CHRM3: variants seen among roughly 807,000 people sequenced by gnomAD.
The protein encoded by CHRM3 is muscarinic acetylcholine receptor M3.
Under a neutral mutation model 41.8 loss-of-function variants are expected in CHRM3, and 11 were observed. The ratio of observed to expected loss-of-function variants is 0.26; its 90% confidence interval spans 0.17 to 0.44. The LOEUF is 0.44. Among genes scored for constraint, CHRM3 ranks in the 20% least tolerant of loss-of-function variants. CHRM3 has a pLI of 1.00. For synonymous variants in CHRM3, 297 were observed against 301.4 expected (o/e 0.99, Z 0.15); for missense variants, 571 against 745.4 (o/e 0.77, Z 2.72).
At chr1:239,893,527 T>G (rs1678721016) in intron 6 of CHRM3, among the ~76,000 whole-genome samples, 1 of 152,164 alleles carries the variant, frequency 6.6e-6, no homozygotes. Context: ...ATCCATTTCT[T>G]CACCCTTAAA....
In CHRM3 at chr1:239,908,081, T is replaced by C. The variant is rs904200995; in HGVS notation, c.630T>C (p.Phe210=). The C allele has an allele frequency of 1.2e-6, 2 of 1,614,196 alleles. No homozygotes were observed. The highest frequency in any genetic ancestry group is 1.7e-6 in the Non-Finnish European group (2 of 1,180,040). The part of the protein sequence containing the change: ...WAPAILFWQY[F]VGKRTVPPGE... ...CTGCCATCTTGTTCTGGCAATACTTTGTTGGAAAGAGAACTGTGCCTCCGG... is the reference window on the plus strand; with the variant it reads ...CTGCCATCTTGTTCTGGCAATACTTCGTTGGAAAGAGAACTGTGCCTCCGG... Residue 210 remains phenylalanine, a synonymous_variant, in exon 7 of 7, where the codon TTT becomes TTC. Coordinates refer to ENST00000676153, the MANE Select transcript of CHRM3 (RefSeq NM_001375978.1). This position sits in a 1 kb window ranked among gnomAD's most constrained non-coding sequence, Gnocchi z 7.2.
At chr1:239,902,765 T>C (rs530008912) in intron 6 of CHRM3, among the ~76,000 whole-genome samples, 1 of 152,344 alleles carries the variant, frequency 6.6e-6, no homozygotes, top group East Asian at 1.9e-4. Flanking sequence ...GGTTATTGAC[T>C]ATTAACTCGT....
chr1:239,904,233 A>G (rs1038910146), intron 6 of CHRM3, among the ~76,000 whole-genome samples: 6 of 152,200 alleles, frequency 3.9e-5, no homozygotes, highest in African/African-American at 1.4e-4. Context: ...GGCCCTTCAG[A>G]GTACATGAGA....
chr1:239,729,055 G>A (rs1279415280), intron 5 of CHRM3, among the ~76,000 whole-genome samples: 1 of 151,886 alleles, frequency 6.6e-6, no homozygotes, highest in Non-Finnish European at 1.5e-5. Context: ...TCACTGTGTT[G>A]ACATTTGCAT....
chr1:239,863,415 A>G (rs1445231283), intron 6 of CHRM3, among the ~76,000 whole-genome samples: 2 of 152,074 alleles, frequency 1.3e-5, no homozygotes, highest in Non-Finnish European at 2.9e-5. Flanking sequence ...GGCAGCTCAG[A>G]CTCACAATGC....
intron 2 of CHRM3, among the ~76,000 whole-genome samples, chr1:239,500,455 A>C: frequency 9.6e-6 from 1 of 104,656 alleles, no homozygotes; most frequent in Non-Finnish European, 1.8e-5. Flanking sequence ...ATCACATACC[A>C]GGGCCTGTTA....
Position 239,874,295 on chromosome 1 carries a change from A to ATATATATATATATATATACACAG in CHRM3, c.-19-33120_-19-33119insCACAGTATATATATATATATATA, listed in dbSNP as rs1558198982. Among the ~76,000 whole-genome samples the ATATATATATATATATATACACAG allele has an allele frequency of 3.0e-4, 22 of 73,154 alleles. 1 individual carries two copies. Among genetic ancestry groups the ATATATATATATATATATACACAG allele is most frequent in the South Asian group, 4.4e-4 (1 of 2,264 alleles). The allele number at this position is 73,154 out of a possible 152,430, so 48.0% of individuals were successfully genotyped here. A position where few individuals can be genotyped will look rare whatever the true frequency, so the allele number is the denominator to read the frequency against. Reference sequence around the variant, plus strand: ...ATATCTATATACACAGTATATATATATATATATATATATATATATATATAT... The same window carrying ATATATATATATATATATACACAG: ...ATATCTATATACACAGTATATATATATATATATATATATATATACACAGTATATATATATATATATATATATAT... On this transcript the variant is annotated intron_variant, in intron 6 of 6. Transcript: ENST00000676153.
intron 4 of CHRM3, among the ~76,000 whole-genome samples, chr1:239,675,615 C>T (rs1424286930): frequency 6.6e-6 from 1 of 152,134 alleles, no homozygotes; most frequent in Admixed American, 6.5e-5. Context: ...TCTTTGAAAG[C>T]AATCACTCTT....
intron 6 of CHRM3, among the ~76,000 whole-genome samples, chr1:239,834,787 G>A (rs1382595783): frequency 6.6e-6 from 1 of 151,864 alleles, no homozygotes; most frequent in Admixed American, 6.6e-5. Flanking sequence ...AAATTGTTCA[G>A]ATTTCACTTT....
At chr1:239,583,078 C>T (rs1226314233) in intron 3 of CHRM3, among the ~76,000 whole-genome samples, 2 of 152,142 alleles carry the variant, frequency 1.3e-5, no homozygotes, top group South Asian at 2.1e-4. Flanking sequence ...GCTTTCCTCA[C>T]CATGGACCAT....
intron 1 of CHRM3, among the ~76,000 whole-genome samples, chr1:239,485,661 T>G (rs1667142403): frequency 6.6e-6 from 1 of 152,188 alleles, no homozygotes; most frequent in Non-Finnish European, 1.5e-5. Flanking sequence ...CAAAACATGT[T>G]ATGTCACCTG....
At chr1:239,864,788 C>T (rs1304320448) in intron 6 of CHRM3, among the ~76,000 whole-genome samples, 1 of 152,018 alleles carries the variant, frequency 6.6e-6, no homozygotes, top group African/African-American at 2.4e-5. Context: ...CCTATAGAAT[C>T]GTGTGTAAAT....
rs141538123 is a variant in CHRM3, at chr1:239,660,598, C to T, written c.-249-17588C>T. ...AATAGTAATGATAATAATAGATTAA[C>T]ATGGCCAGGCACAGTGGCTCATGCG... On this transcript the variant is annotated intron_variant, in intron 4 of 6. Coordinates refer to ENST00000676153, the MANE Select transcript of CHRM3 (RefSeq NM_001375978.1). 4.9e-4 allele frequency among the ~76,000 whole-genome samples: 74 copies of T among 152,162 alleles called. No individual in the cohort carries two copies. The East Asian group carries it at 8.5e-3, about 18-fold the overall frequency.
intron 4 of CHRM3, among the ~76,000 whole-genome samples, chr1:239,676,774 A>G (rs1658042438): frequency 6.6e-6 from 1 of 152,248 alleles, no homozygotes; most frequent in Non-Finnish European, 1.5e-5. Context: ...TTGTGAAACC[A>G]GAATGAGATA....
chr1:239,731,892 G>A (rs1436510766), intron 5 of CHRM3, among the ~76,000 whole-genome samples: 1 of 151,894 alleles, frequency 6.6e-6, no homozygotes, highest in Middle Eastern at 3.2e-3. Flanking sequence ...ATATGTGCTT[G>A]CATTTTATAT....
At chr1:239,611,416 CTTT>C (rs75352638) in intron 3 of CHRM3, among the ~76,000 whole-genome samples, 2 of 96,220 alleles carry the variant, frequency 2.1e-5, no homozygotes, top group Admixed American at 1.3e-4. Context: ...TTGCAAGTGA[CTTT>C]TTTTTTTTTT....
chr1:239,460,389 T>G (rs765713945), intron 1 of CHRM3, among the ~76,000 whole-genome samples: 4 of 152,182 alleles, frequency 2.6e-5, no homozygotes, highest in Non-Finnish European at 5.9e-5. Flanking sequence ...TAATGACACC[T>G]TCTCTATTAG....
chr1:239,439,789 T>C (rs919882612), intron 1 of CHRM3, among the ~76,000 whole-genome samples: 4 of 151,976 alleles, frequency 2.6e-5, no homozygotes, highest in Admixed American at 2.6e-4. Flanking sequence ...ACAGAGAGGG[T>C]AAGGTGGGGA....
chr1:239,829,599 A>G (rs954816660), intron 6 of CHRM3, among the ~76,000 whole-genome samples: 1 of 152,274 alleles, frequency 6.6e-6, no homozygotes, highest in East Asian at 1.9e-4. Flanking sequence ...GTTTCATCTT[A>G]TAACAGTTTT....
Sources: gnomAD v4.1 joint callset for allele counts (sites outside exome capture counted in the v4.1 genomes callset) on GRCh38, gnomAD v4.1.1 for gene constraint, Gnocchi (gnomAD v3.1) non-coding constraint, MANE v1.5 for transcripts, NCBI Gene and HGNC (gene_info 2026-07-23, HGNC 2026-07-21) for gene names.